The following RPA3 variants were observed in gnomAD, a reference collection of about 807,000 sequenced individuals.
RPA3 encodes replication protein A3.
A neutral mutation model predicts 13.7 loss-of-function variants in RPA3; 24 were observed. The observed-to-expected ratio is 1.75, with a 90% confidence interval of 1.27 to 2.46. RPA3 has a LOEUF of 2.46. Ranked by LOEUF, RPA3 falls within the 30% of genes most tolerant of loss-of-function variation. RPA3 has a pLI of 0.00. For missense variants in RPA3, 183 were observed against 151.0 expected (o/e 1.21, Z -1.11); for synonymous variants, 59 against 51.2 (o/e 1.15, Z -0.65).
intron 5 of RPA3, 32 bp from the exon 6 acceptor site, chr7:7,639,176 TA>T: frequency 6.4e-7 from 1 of 1,555,494 alleles, no homozygotes; most frequent in Non-Finnish European, 8.8e-7. Context: ...AAAATCTCAC[TA>T]AAACAACAAC....
At chr7:7,686,996 A>G (rs559718850) in intron 3 of RPA3, among the ~76,000 whole-genome samples, 1 of 152,302 alleles carries the variant, frequency 6.6e-6, no homozygotes, top group South Asian at 2.1e-4. Flanking sequence ...AGGATAGCTG[A>G]AGAGTGAAGT....
At chr7:7,689,846 G>A (rs1780132069) in intron 2 of RPA3, among the ~76,000 whole-genome samples, 1 of 152,180 alleles carries the variant, frequency 6.6e-6, no homozygotes, top group Non-Finnish European at 1.5e-5. Context: ...CTGGTACCAA[G>A]GGAGACCATA....
chr7:7,648,388 T>G (rs566873974), intron 4 of RPA3, among the ~76,000 whole-genome samples: 71 of 152,226 alleles, frequency 4.7e-4, no homozygotes, highest in Non-Finnish European at 9.0e-4. Context: ...ACTTTTTTTG[T>G]ATTCTTATGT....
intron 4 of RPA3, among the ~76,000 whole-genome samples, chr7:7,682,117 G>T (rs374877658): frequency 5.1e-4 from 78 of 152,226 alleles, no homozygotes; most frequent in African/African-American, 1.8e-3. Context: ...ACAGTACAAG[G>T]GAAATGCATC....
chr7:7,702,037 A>G (rs1780475746), intron 2 of RPA3, among the ~76,000 whole-genome samples: 1 of 152,236 alleles, frequency 6.6e-6, no homozygotes, highest in Non-Finnish European at 1.5e-5. Flanking sequence ...AAATTCAGAT[A>G]GAGAAGGTAT....
chr7:7,648,616 C>G (rs527372857), intron 4 of RPA3, among the ~76,000 whole-genome samples: 6 of 151,884 alleles, frequency 4.0e-5, no homozygotes, highest in African/African-American at 1.5e-4. Context: ...TTTGGGAGGC[C>G]GAGGCAGGTA....
rs540604273 is a variant in RPA3, at chr7:7,716,734, A to T, written c.-1079-1508T>A. Among the ~76,000 whole-genome samples the T allele has an allele frequency of 4.5e-3, 688 of 152,322 alleles. 1 individual carries two copies. The highest frequency in any genetic ancestry group is 0.01 in the Middle Eastern group (3 of 294). ...GCCGAGGCAGGCGGATCACGAGGTC[A>T]GGAGATCGAGACCATCCTGGCTAAC... On this transcript the variant is annotated intron_variant, in intron 1 of 7. Coordinates refer to ENST00000223129, the MANE Select transcript of RPA3 (RefSeq NM_002947.5).
At chr7:7,645,458 G>T (rs1303451929) in intron 4 of RPA3, among the ~76,000 whole-genome samples, 1 of 152,120 alleles carries the variant, frequency 6.6e-6, no homozygotes, top group Non-Finnish European at 1.5e-5. Context: ...CCATATTTAT[G>T]GTTATCTCAT....
chr7:7,658,243 A>C (rs1583701640), intron 4 of RPA3, among the ~76,000 whole-genome samples: 1 of 152,374 alleles, frequency 6.6e-6, no homozygotes, highest in South Asian at 2.1e-4. Context: ...ATATACAATC[A>C]TGTCATCTGC....
intron 2 of RPA3, among the ~76,000 whole-genome samples, chr7:7,695,064 T>C (rs904578990): frequency 6.6e-6 from 1 of 152,240 alleles, no homozygotes; most frequent in Admixed American, 6.5e-5. Context: ...TACCTTTCTT[T>C]TGGATAAAAG....
intron 2 of RPA3, among the ~76,000 whole-genome samples, chr7:7,703,385 A>G (rs1401270043): frequency 6.6e-6 from 1 of 152,202 alleles, no homozygotes; most frequent in African/African-American, 2.4e-5. Context: ...ATTTACCTAT[A>G]GAATTTTTAA....
intron 4 of RPA3, among the ~76,000 whole-genome samples, chr7:7,655,260 C>T (rs989690606): frequency 2.0e-5 from 3 of 152,124 alleles, no homozygotes; most frequent in Non-Finnish European, 4.4e-5. Context: ...CCCCAGTACT[C>T]TTTTCACCTA....
intron 6 of RPA3, chr7:7,638,367 A>G (rs1784898482): frequency 6.5e-6 from 1 of 153,892 alleles, no homozygotes; most frequent in African/African-American, 2.4e-5. Flanking sequence ...AAAAGTTTTA[A>G]GTATGTTAAA....
chr7:7,717,060 CTTT>C (rs766644906), intron 1 of RPA3, among the ~76,000 whole-genome samples: 5 of 141,606 alleles, frequency 3.5e-5, no homozygotes, highest in Admixed American at 1.4e-4. Context: ...TTCTTTTTTT[CTTT>C]TTTTTTTTTT....
chr7:7,670,803 C>G (rs1446696480), intron 4 of RPA3, among the ~76,000 whole-genome samples: 2 of 152,126 alleles, frequency 1.3e-5, no homozygotes, highest in Non-Finnish European at 2.9e-5. Flanking sequence ...CAAAGGCGAA[C>G]AAAGGGAGAG....
At chr7:7,652,332 A>G (rs988839261) in intron 4 of RPA3, among the ~76,000 whole-genome samples, 2 of 152,322 alleles carry the variant, frequency 1.3e-5, no homozygotes, top group South Asian at 4.1e-4. Context: ...AGTTTGACTC[A>G]GACTTTGAGA....
intron 4 of RPA3, among the ~76,000 whole-genome samples, chr7:7,659,357 TG>T (rs1785420034): frequency 6.6e-6 from 1 of 152,192 alleles, no homozygotes; most frequent in African/African-American, 2.4e-5. Context: ...CTTTTGAATT[TG>T]TTTGCTCTTG....
At chr7:7,666,507 C>A (rs960560968) in intron 4 of RPA3, among the ~76,000 whole-genome samples, 1 of 151,966 alleles carries the variant, frequency 6.6e-6, no homozygotes, top group Non-Finnish European at 1.5e-5. Context: ...TGTACCTGAC[C>A]GGGGCAAATC....
At chr7:7,648,259 T>C (rs1563081638) in intron 4 of RPA3, among the ~76,000 whole-genome samples, 2 of 152,246 alleles carry the variant, frequency 1.3e-5, no homozygotes, top group Non-Finnish European at 1.5e-5. Context: ...TGACAGATCA[T>C]GAGTGATTTG....
Sources: allele counts gnomAD v4.1 joint callset (sites outside exome capture counted in the v4.1 genomes callset), GRCh38; gene constraint gnomAD v4.1.1; transcripts MANE v1.5; gene names NCBI Gene and HGNC (gene_info 2026-07-23, HGNC 2026-07-21).